The following PARVB variants were observed in gnomAD, a reference collection of about 807,000 sequenced individuals.
PARVB encodes the protein beta-parvin.
PARVB carries 46 observed loss-of-function variants against 47.0 expected under a neutral mutation model. That is an observed-to-expected ratio of 0.98 (90% CI 0.77 to 1.25). The LOEUF (loss-of-function observed/expected upper bound fraction) is 1.25, where lower values mean the gene tolerates loss of function less well. Ranked by LOEUF, PARVB falls within the 50% of genes most tolerant of loss-of-function variation. The pLI, the probability that PARVB is intolerant of heterozygous loss-of-function variation, is 0.00. For synonymous variants in PARVB, 196 were observed against 196.3 expected (o/e 1.00, Z 0.01); for missense variants, 473 against 471.6 (o/e 1.00, Z -0.03).
In PARVB at chr22:44,009,862, C is replaced by T. The variant is rs112564443; in HGVS notation, c.211+10189C>T. Among the ~76,000 whole-genome samples, 6 of 143,422 alleles carry T rather than the reference C, an allele frequency of 4.2e-5. 1 individual carries two copies. The highest frequency in any genetic ancestry group is 4.4e-4 in the South Asian group (2 of 4,566). 94.1% of individuals were successfully genotyped at this position (143,422 alleles called of 152,430 possible). On this transcript the variant is annotated intron_variant, in intron 2 of 13. Transcript: ENST00000406477. ...TTTCTCTGTCACTGAGGCTGGAGTG[C>T]GGCGGCGTGATCTCAGCTCACTGCA... is the stretch of plus-strand genomic sequence containing the variant.
At chr22:44,124,907 G>C (rs1261752919) in intron 4 of PARVB, among the ~76,000 whole-genome samples, 1 of 152,152 alleles carries the variant, frequency 6.6e-6, no homozygotes, top group Non-Finnish European at 1.5e-5. Flanking sequence ...GAGAGAGAGA[G>C]ACTAGGGGAG....
Position 44,172,902 on chromosome 22 carries a change from G to A in PARVB, c.*4224G>A. ...TAGGACAATGCCACGTGGCGTCACA[G>A]TATGCTGTTATTTATTCCAATAAAG... On this transcript the variant is annotated 3_prime_UTR_variant, in exon 13 of 13. Transcript: ENST00000338758. 1 of 1,104,340 alleles carries A rather than the reference G, an allele frequency of 9.1e-7. No individual in the cohort carries two copies. Among genetic ancestry groups the A allele is most frequent in the Non-Finnish European group, 1.2e-6 (1 of 830,298 alleles). The allele number at this position is 1,104,340 out of a possible 1,614,324, so 68.4% of individuals were successfully genotyped here. A position where few individuals can be genotyped will look rare whatever the true frequency, so the allele number is the denominator to read the frequency against.
chr22:44,133,729 G>A (rs1371204321), intron 6 of PARVB, among the ~76,000 whole-genome samples: 1 of 152,026 alleles, frequency 6.6e-6, no homozygotes, highest in African/African-American at 2.4e-5. Context: ...TAGAGACAAG[G>A]TCTCGCTATG....
At chr22:44,124,218 A>G (rs113644403) in intron 4 of PARVB, among the ~76,000 whole-genome samples, 514 of 152,326 alleles carry the variant, frequency 3.4e-3, no homozygotes, top group African/African-American at 0.012. Flanking sequence ...TCCAGAAGGG[A>G]TCAGCTATTT....
chr22:44,007,814 C>T (rs925652172), intron 2 of PARVB, among the ~76,000 whole-genome samples: 2 of 152,286 alleles, frequency 1.3e-5, no homozygotes, highest in Non-Finnish European at 1.5e-5. Context: ...ACCCATTAGG[C>T]ACTCACTCCC....
intron 1 of PARVB, among the ~76,000 whole-genome samples, chr22:44,070,664 C>CATTA (rs2051634014): frequency 6.6e-6 from 1 of 152,204 alleles, no homozygotes; most frequent in Non-Finnish European, 1.5e-5. Flanking sequence ...TCTTAGCTCA[C>CATTA]ATTATATGAG....
chr22:44,152,688 C>G (rs2053836915), intron 10 of PARVB: 1 of 152,110 alleles, frequency 6.6e-6, no homozygotes, highest in African/African-American at 2.4e-5. Context: ...CTACTCAAAG[C>G]TAAAGGAGCA....
intron 1 of PARVB, among the ~76,000 whole-genome samples, chr22:44,062,370 G>T (rs56401918): frequency 0.019 from 2,887 of 152,290 alleles, 101 homozygotes; most frequent in African/African-American, 0.065. Flanking sequence ...AGGCACGGTG[G>T]CTCAAGCCTG....
chr22:44,076,554 C>G (rs1437284483), intron 1 of PARVB, among the ~76,000 whole-genome samples: 1 of 152,204 alleles, frequency 6.6e-6, no homozygotes, highest in Non-Finnish European at 1.5e-5. Flanking sequence ...TCTTCAAGAC[C>G]ACATGCAGCT....
At chr22:44,148,159 G>C (rs1476225493) in intron 9 of PARVB, 1 of 552,852 alleles carries the variant, frequency 1.8e-6, no homozygotes, top group Non-Finnish European at 3.3e-6. Flanking sequence ...CTTCTGTTAA[G>C]TGAATTACCC....
At chr22:44,160,368 G>A (rs2054026142) in intron 11 of PARVB, among the ~76,000 whole-genome samples, 1 of 152,250 alleles carries the variant, frequency 6.6e-6, no homozygotes, top group Admixed American at 6.5e-5. Flanking sequence ...GCAGAGCCAG[G>A]AGGGTCGACT....
At chr22:44,071,114 C>T (rs1181158347) in intron 1 of PARVB, among the ~76,000 whole-genome samples, 1 of 152,112 alleles carries the variant, frequency 6.6e-6, no homozygotes, top group African/African-American at 2.4e-5. Flanking sequence ...TGTGGGGGAA[C>T]AGATACTGAG....
At chr22:44,043,405 G>A (rs1016943969) in intron 1 of PARVB, among the ~76,000 whole-genome samples, 24 of 152,100 alleles carry the variant, frequency 1.6e-4, no homozygotes, top group Admixed American at 1.4e-3. Context: ...TTGAGACGGA[G>A]TCTTGCTCTG....
chr22:44,035,647 G>A (rs13053284), intron 1 of PARVB, among the ~76,000 whole-genome samples: 19,978 of 151,816 alleles, frequency 0.13, 1,624 homozygotes, highest in African/African-American at 0.23. Flanking sequence ...CTGGGATTAC[G>A]GGTGTGAGCC....
intron 2 of PARVB, among the ~76,000 whole-genome samples, chr22:44,094,757 C>T (rs1444025186): frequency 2.6e-5 from 4 of 151,746 alleles, no homozygotes; most frequent in Non-Finnish European, 4.4e-5. Context: ...TCCCAAAGTG[C>T]AGGGACTACA....
rs377652734 is a variant in PARVB, at chr22:44,147,815, G to A, written c.713-46G>A. On this transcript the variant is annotated intron_variant, in intron 8 of 12. Transcript: ENST00000338758. Reference sequence around the variant, plus strand: ...GGGCCCTGGATTAGGGCAGCACCACGGGTTTCCATAAACGCTCCTTCGTGT... The same window carrying A: ...GGGCCCTGGATTAGGGCAGCACCACAGGTTTCCATAAACGCTCCTTCGTGT... 102 of 1,555,842 alleles carry A rather than the reference G, an allele frequency of 6.6e-5. 4 individuals are homozygous for A. The South Asian group carries it at 8.7e-4, about 13-fold the overall frequency.
chr22:44,143,496 A>C (rs2053599397), intron 8 of PARVB: 1 of 152,142 alleles, frequency 6.6e-6, no homozygotes, highest in Admixed American at 6.5e-5. Context: ...ATGTTTTAGG[A>C]GCTTCTGGAA....
chr22:44,016,301 T>G (rs893098205), intron 2 of PARVB, among the ~76,000 whole-genome samples: 1 of 151,944 alleles, frequency 6.6e-6, no homozygotes, highest in African/African-American at 2.4e-5. Context: ...TTTCACCGTG[T>G]TAGCCAGGAT....
At chr22:44,060,428 C>A (rs891978739) in intron 1 of PARVB, among the ~76,000 whole-genome samples, 1 of 152,080 alleles carries the variant, frequency 6.6e-6, no homozygotes, top group African/African-American at 2.4e-5. Context: ...GTTTGAGCAG[C>A]AGAAAGGGAG....
Sources: allele counts gnomAD v4.1 joint callset (sites outside exome capture counted in the v4.1 genomes callset), GRCh38; gene constraint gnomAD v4.1.1; transcripts MANE v1.5; gene names NCBI Gene and HGNC (gene_info 2026-07-23, HGNC 2026-07-21).